ELMO1: variants seen among roughly 807,000 people sequenced by gnomAD.
ELMO1 encodes the protein engulfment and cell motility protein 1.
In ELMO1, 26 loss-of-function variants were observed where a neutral mutation model predicts 98.9. The ratio of observed to expected loss-of-function variants is 0.26; its 90% CI spans 0.19 to 0.36. The LOEUF (loss-of-function observed/expected upper bound fraction) is 0.36, where lower values mean the gene tolerates loss of function less well. Among genes scored for constraint, ELMO1 ranks in the 10% least tolerant of loss-of-function variants. ELMO1 has a pLI of 1.00. For synonymous variants in ELMO1, 346 were observed against 346.0 expected, an observed-to-expected ratio of 1.00 and a Z score of 0.00; for missense variants, 627 against 935.2, an observed-to-expected ratio of 0.67 and a Z score of 4.30.
At chr7:37,322,599 C>A (rs555813460) in intron 2 of ELMO1, among the ~76,000 whole-genome samples, 2 of 146,896 alleles carry the variant, frequency 1.4e-5, no homozygotes, top group Admixed American at 1.4e-4. Context: ...CCAGCCTGGG[C>A]GACAACAGTA....
rs554533521 is a variant in ELMO1 at position 36,859,357 on chromosome 7, T to C, written c.1983+2302A>G. 7.9e-5 allele frequency among the ~76,000 whole-genome samples: 12 copies of C among 152,332 alleles called. No individual in the cohort carries two copies. The East Asian group carries it at 1.9e-3, about 24-fold the overall frequency. On this transcript the variant is annotated intron_variant, in intron 21 of 21. Coordinates refer to ENST00000310758, the MANE Select transcript of ELMO1 (RefSeq NM_014800.11). Reference sequence around the variant, plus strand: ...TGAGTCTTTATTGTTGGGAAATGCATACAGGAACATTTATACATAAAATGA... The same window carrying C: ...TGAGTCTTTATTGTTGGGAAATGCACACAGGAACATTTATACATAAAATGA...
intron 14 of ELMO1, among the ~76,000 whole-genome samples, chr7:37,132,299 T>C (rs1178104112): frequency 1.3e-5 from 2 of 152,210 alleles, no homozygotes; most frequent in East Asian, 3.9e-4. Flanking sequence ...TTTAGGCAAC[T>C]TGTTCATCAA....
At chr7:36,977,689 A>T (rs981389135) in intron 16 of ELMO1, among the ~76,000 whole-genome samples, 40 of 152,226 alleles carry the variant, frequency 2.6e-4, no homozygotes, top group African/African-American at 9.2e-4. Flanking sequence ...TTGTTTTTAC[A>T]GTTCAGTTTC....
At chr7:36,906,615 A>T (rs1166229881) in intron 16 of ELMO1, among the ~76,000 whole-genome samples, 1 of 152,190 alleles carries the variant, frequency 6.6e-6, no homozygotes, top group African/African-American at 2.4e-5. Context: ...ACCAGTGTCC[A>T]CCGCTGAGAA....
intron 15 of ELMO1, among the ~76,000 whole-genome samples, chr7:37,087,824 A>G (rs192692630): frequency 6.6e-6 from 1 of 152,334 alleles, no homozygotes; most frequent in East Asian, 1.9e-4. Context: ...GAGGCCAGGA[A>G]TGAAAGAAAA....
intron 16 of ELMO1, among the ~76,000 whole-genome samples, chr7:36,896,641 T>C (rs1806021396): frequency 6.6e-6 from 1 of 151,606 alleles, no homozygotes; most frequent in African/African-American, 2.4e-5. Context: ...CAGGCAAATT[T>C]CCAGTTGATC....
At chr7:37,279,935 T>C (rs1797053038) in intron 4 of ELMO1, among the ~76,000 whole-genome samples, 1 of 152,198 alleles carries the variant, frequency 6.6e-6, no homozygotes, top group African/African-American at 2.4e-5. Flanking sequence ...GGCATCACAC[T>C]ACCTGATTTC....
intron 1 of ELMO1, among the ~76,000 whole-genome samples, chr7:37,432,622 T>C (rs931219587): frequency 2.6e-5 from 4 of 152,222 alleles, no homozygotes; most frequent in Non-Finnish European, 5.9e-5. Context: ...TCTAGAAACG[T>C]ATATTATCAA....
chr7:37,339,048 C>T (rs1800580944), intron 2 of ELMO1, among the ~76,000 whole-genome samples: 1 of 152,198 alleles, frequency 6.6e-6, no homozygotes, highest in Non-Finnish European at 1.5e-5. Flanking sequence ...GAAGCACCGC[C>T]TCCCAGTTAT....
rs1241216719 is a variant in ELMO1 at position 36,870,308 on chromosome 7, A to G, written c.1905+85T>C. ...TCTGAACACACGCACACACACGAAC[A>G]CTGCTATAAAGGAGGGCTAGGCTGG... On this transcript the variant is annotated intron_variant, in intron 20 of 21. Coordinates refer to ENST00000310758, the MANE Select transcript of ELMO1 (RefSeq NM_014800.11). The surrounding 1 kb of genome is among the most constrained non-coding windows in gnomAD (Gnocchi z 4.4). 4 of 1,172,506 alleles carry G rather than the reference A, an allele frequency of 3.4e-6. No homozygotes were observed. The highest frequency in any genetic ancestry group is 5.1e-6 in the Non-Finnish European group (4 of 788,934). 72.6% of individuals were successfully genotyped at this position (1,172,506 alleles called of 1,614,324 possible).
At chr7:36,923,138 C>T (rs975887886) in intron 16 of ELMO1, among the ~76,000 whole-genome samples, 25 of 152,230 alleles carry the variant, frequency 1.6e-4, no homozygotes, top group African/African-American at 4.8e-4. Flanking sequence ...TTAGCTATCT[C>T]ACTGGACTGT....
At chr7:37,387,986 C>T (rs573834669) in intron 1 of ELMO1, among the ~76,000 whole-genome samples, 1 of 152,008 alleles carries the variant, frequency 6.6e-6, no homozygotes, top group African/African-American at 2.4e-5. Context: ...TACATGCCAC[C>T]ACGCCTGGCC....
chr7:37,392,128 T>C (rs1199009123), intron 1 of ELMO1, among the ~76,000 whole-genome samples: 1 of 152,204 alleles, frequency 6.6e-6, no homozygotes, highest in Non-Finnish European at 1.5e-5. Flanking sequence ...TAATAAAATA[T>C]TCCAGGATGG....
intron 14 of ELMO1, among the ~76,000 whole-genome samples, chr7:37,132,102 C>T (rs1425418749): frequency 6.6e-6 from 1 of 152,148 alleles, no homozygotes; most frequent in Non-Finnish European, 1.5e-5. Context: ...CATCAAGTCT[C>T]TCTGGTTTAC....
At chr7:37,367,524 T>C (rs995472516) in intron 1 of ELMO1, among the ~76,000 whole-genome samples, 22 of 152,202 alleles carry the variant, frequency 1.4e-4, no homozygotes, top group African/African-American at 5.1e-4. Context: ...CTTAGTTACT[T>C]TAAGAAAATT....
At chr7:37,278,371 T>C (rs1796965108) in intron 4 of ELMO1, among the ~76,000 whole-genome samples, 1 of 152,262 alleles carries the variant, frequency 6.6e-6, no homozygotes, top group Middle Eastern at 3.4e-3. Context: ...TAGCTGGGCA[T>C]AGTGGCTTAT....
chr7:37,037,867 T>C (rs1401549213), intron 15 of ELMO1, among the ~76,000 whole-genome samples: 1 of 152,138 alleles, frequency 6.6e-6, no homozygotes. Flanking sequence ...CTGACACCCT[T>C]AAAATTTTAG....
At chr7:37,389,464 T>G (rs544931262) in intron 1 of ELMO1, among the ~76,000 whole-genome samples, 1 of 152,384 alleles carries the variant, frequency 6.6e-6, no homozygotes, top group South Asian at 2.1e-4. Flanking sequence ...TCCATTGTGT[T>G]GATGCACATG....
chr7:37,053,809 A>T (rs1008962776), intron 15 of ELMO1, among the ~76,000 whole-genome samples: 1 of 152,114 alleles, frequency 6.6e-6, no homozygotes, highest in Non-Finnish European at 1.5e-5. Flanking sequence ...CATGTATGCA[A>T]TGTGCAATTG....
Sources: allele counts gnomAD v4.1 joint callset (sites outside exome capture counted in the v4.1 genomes callset), GRCh38; gene constraint gnomAD v4.1.1; non-coding constraint Gnocchi (gnomAD v3.1); transcripts MANE v1.5; gene names NCBI Gene and HGNC (gene_info 2026-07-23, HGNC 2026-07-21).